The following CREBBP variants were observed in gnomAD, a reference collection of about 807,000 sequenced individuals.
CREBBP encodes CREB-binding protein.
A neutral mutation model predicts 265.0 loss-of-function variants in CREBBP; 19 were observed. That is an observed-to-expected ratio of 0.07 (90% CI 0.05 to 0.11). CREBBP has a LOEUF of 0.11. Ranked by LOEUF, CREBBP falls within the 10% of genes least tolerant of loss-of-function variation. The probability of loss-of-function intolerance (pLI) is 1.00; values close to 1 mark genes in which losing one functional copy is unlikely to be tolerated. For missense variants in CREBBP, 2,525 were observed against 3,219.0 expected (o/e 0.78, Z 5.22); for synonymous variants, 1,457 against 1,223.7 (o/e 1.19, Z -3.98).
chr16:3,811,889 A>C lies in CREBBP; in HGVS notation c.799-1110T>G, dbSNP rs115408958. Reference sequence around the variant, plus strand: ...ATAAAACATGAAATTTGTGTTAAGCAAATGTGTATGCTATTGGTAAGGCTT... The same window carrying C: ...ATAAAACATGAAATTTGTGTTAAGCCAATGTGTATGCTATTGGTAAGGCTT... On this transcript the variant is annotated intron_variant, in intron 2 of 30. Transcript: ENST00000262367. Among the ~76,000 whole-genome samples, 586 of 152,274 alleles carry C rather than the reference A, an allele frequency of 3.8e-3. 4 individuals are homozygous for C. The highest frequency in any genetic ancestry group is 0.013 in the African/African-American group (544 of 41,544).
chr16:3,780,475 G>A (rs564593609), intron 8 of CREBBP, among the ~76,000 whole-genome samples: 4 of 152,118 alleles, frequency 2.6e-5, no homozygotes, highest in East Asian at 1.9e-4. Context: ...TCTTTGCCTC[G>A]GTGATAGGGG....
In CREBBP at chr16:3,813,298, A is replaced by G. The variant is rs532374189; in HGVS notation, c.799-2519T>C. Among the ~76,000 whole-genome samples the G allele has an allele frequency of 7.2e-5, 11 of 152,348 alleles. No individual in the cohort carries two copies. The South Asian group carries it at 2.3e-3, about 32-fold the overall frequency. On this transcript the variant is annotated intron_variant, in intron 2 of 30. Transcript: ENST00000262367. ...GTGCTCTACTTAAGTGAACTGAGAC[A>G]CTAATTCTTCTGCAAGTCCACAAAC... is the stretch of plus-strand genomic sequence containing the variant.
intron 2 of CREBBP, among the ~76,000 whole-genome samples, chr16:3,835,512 A>C (rs1045211090): frequency 6.6e-6 from 1 of 152,034 alleles, no homozygotes; most frequent in African/African-American, 2.4e-5. Context: ...TATTTATCTA[A>C]GAGAAATGAA....
chr16:3,809,469 C>T lies in CREBBP; in HGVS notation c.975+1134G>A, dbSNP rs1045546782. 1.8e-4 allele frequency among the ~76,000 whole-genome samples: 27 copies of T among 152,328 alleles called. 1 individual carries two copies. Among genetic ancestry groups the T allele is most frequent in the Admixed American group, 1.8e-3 (27 of 15,310 alleles). On this transcript the variant is annotated intron_variant, in intron 3 of 30. Coordinates refer to ENST00000262367, the MANE Select transcript of CREBBP (RefSeq NM_004380.3). ...GGCATTACAGGTGTGAGCCACCACGCCCGGCCTCAACCACCTTTTTAAATG... is the reference window on the plus strand; with the variant it reads ...GGCATTACAGGTGTGAGCCACCACGTCCGGCCTCAACCACCTTTTTAAATG...
At chr16:3,825,280 G>A (rs560946505) in intron 2 of CREBBP, among the ~76,000 whole-genome samples, 1 of 152,300 alleles carries the variant, frequency 6.6e-6, no homozygotes, top group African/African-American at 2.4e-5. Flanking sequence ...TGAATAATAT[G>A]ACTCACTGCT....
At position 3,834,737 on chromosome 16, in the gene CREBBP, C is replaced by T. The variant is rs962624243; in HGVS notation, c.798+15560G>A. On this transcript the variant is annotated intron_variant, in intron 2 of 30. Transcript: ENST00000262367. ...TGACAAACTGTACCATTCTAGACAG[C>T]GGAGTTGGGGAGGATGTTGAAAATG... 1.3e-4 allele frequency among the ~76,000 whole-genome samples: 19 copies of T among 151,992 alleles called. 1 individual carries two copies. Among genetic ancestry groups the T allele is most frequent in the Admixed American group, 6.6e-4 (10 of 15,242 alleles).
In CREBBP at chr16:3,739,649, G is replaced by A. The variant is rs774913651; in HGVS notation, c.4209C>T (p.Asp1403=). ...TKALFAFEEI[D]GVDVCFFGMH... is the part of the protein sequence containing the mutation. ...TTCCAAAAAAGCAGACATCCACGCC[G>A]TCAATTTCCTCAAAAGCAAACAGAG... The change falls in exon 25 of 31, where the codon GAC becomes GAT. Residue 1403 remains aspartate (D), a synonymous_variant. Transcript: ENST00000262367. 6.8e-6 allele frequency: 11 copies of A among 1,614,056 alleles called. No homozygotes were observed. Among genetic ancestry groups the A allele is most frequent in the South Asian group, 3.3e-5 (3 of 91,092 alleles).
intron 19 of CREBBP, among the ~76,000 whole-genome samples, chr16:3,756,118 C>T (rs1031438115): frequency 6.6e-6 from 1 of 152,132 alleles, no homozygotes; most frequent in Non-Finnish European, 1.5e-5. Context: ...CTTCTGTCTT[C>T]TTTGAAGTAT....
chr16:3,802,155 A>G (rs28588085), intron 3 of CREBBP, among the ~76,000 whole-genome samples: 94,698 of 111,468 alleles, frequency 0.85, 40,089 homozygotes, highest in African/African-American at 0.95. Context: ...TTTTTGTGAC[A>G]GAGTCTCGCT....
Position 3,727,519 on chromosome 16 carries a change from A to G in CREBBP, c.*199T>C, listed in dbSNP as rs969951187. 1.1e-4 allele frequency: 22 copies of G among 205,180 alleles called. No homozygotes were observed. Among genetic ancestry groups the G allele is most frequent in the Non-Finnish European group, 1.4e-4 (18 of 124,866 alleles). The allele number at this position is 205,180 out of a possible 1,614,324, so 12.7% of individuals were successfully genotyped here. On this transcript the variant is annotated 3_prime_UTR_variant, in exon 31 of 31. Coordinates refer to ENST00000262367, the MANE Select transcript of CREBBP (RefSeq NM_004380.3). ...CCACCCCCCCGCCAAAAAAAAACCA[A>G]AGAGAGAGACCAGATATTTAAATCA...
chr16:3,854,795 C>T (rs1246455340), intron 1 of CREBBP, among the ~76,000 whole-genome samples: 1 of 152,176 alleles, frequency 6.6e-6, no homozygotes, highest in Non-Finnish European at 1.5e-5. Context: ...CAGACCAGTC[C>T]CTCTTGTCAG....
chr16:3,849,440 T>TGTGTGTGTGTGTGTG (rs2054762201), intron 2 of CREBBP, among the ~76,000 whole-genome samples: 8 of 14,888 alleles, frequency 5.4e-4, no homozygotes, highest in Non-Finnish European at 1.8e-3. Context: ...TGTGTGTGTG[T>TGTGTGTGTGTGTGTG]GTGTGTGTGT....
At chr16:3,761,635 C>A in intron 16 of CREBBP, 1 of 512,496 alleles carries the variant, frequency 2.0e-6, no homozygotes, top group Non-Finnish European at 3.9e-6. Flanking sequence ...AGACCTCTGA[C>A]AGCAGCCTGA....
At chr16:3,779,864 G>A (rs1435915638) in intron 8 of CREBBP, among the ~76,000 whole-genome samples, 1 of 152,068 alleles carries the variant, frequency 6.6e-6, no homozygotes, top group Non-Finnish European at 1.5e-5. Flanking sequence ...AGCACTTTGG[G>A]AGGCCAAGGC....
At chr16:3,734,988 A>G (rs575013482) in intron 28 of CREBBP, among the ~76,000 whole-genome samples, 7 of 152,114 alleles carry the variant, frequency 4.6e-5, no homozygotes, top group Non-Finnish European at 7.4e-5. Context: ...GCCTGTCCCA[A>G]GTTCTGGGGC....
At chr16:3,800,407 T>C (rs938230514) in intron 3 of CREBBP, among the ~76,000 whole-genome samples, 1 of 152,190 alleles carries the variant, frequency 6.6e-6, no homozygotes, top group African/African-American at 2.4e-5. Flanking sequence ...CTATGAGCCA[T>C]TGCACCCGGC....
At chr16:3,855,501 G>C (rs946752723) in intron 1 of CREBBP, among the ~76,000 whole-genome samples, 16 of 152,176 alleles carry the variant, frequency 1.1e-4, no homozygotes, top group Non-Finnish European at 2.2e-4. Flanking sequence ...CTGACCTCAG[G>C]TGATCCGCCC....
In CREBBP at chr16:3,824,759, T is replaced by C. The variant is rs376976383; in HGVS notation, c.799-13980A>G. On this transcript the variant is annotated intron_variant, in intron 2 of 30. Coordinates refer to ENST00000262367, the MANE Select transcript of CREBBP (RefSeq NM_004380.3). The stretch of plus-strand genomic sequence containing the variant: ...CTGCCAAGCAGGCCGGTGCTTCCCG[T>C]TCTACTGTAACTCTCTAAGCAAAAT... Among the ~76,000 whole-genome samples the C allele has an allele frequency of 4.8e-4, 73 of 152,274 alleles. No homozygotes were observed. The East Asian group carries it at 7.1e-3, about 15-fold the overall frequency.
Position 3,758,899 on chromosome 16 carries a change from T to C in CREBBP, c.3324A>G (p.Ser1108=). 3.1e-6 allele frequency: 5 copies of C among 1,612,962 alleles called. No homozygotes were observed. The highest frequency in any genetic ancestry group is 2.7e-5 in the African/African-American group (2 of 75,018). Residue 1108 remains serine, a synonymous_variant, in exon 17 of 31, where the codon TCA becomes TCG. Coordinates refer to ENST00000262367, the MANE Select transcript of CREBBP (RefSeq NM_004380.3). ...GATCTACAGGCTGCCGGAAAGGTAA[T>C]GACTCTGGGTCCTGTCGATACAGTG... ...LEALYRQDPE[S]LPFRQPVDPQ... is the part of the protein sequence containing the mutation.
Sources: gnomAD v4.1 joint callset for allele counts (sites outside exome capture counted in the v4.1 genomes callset) on GRCh38, gnomAD v4.1.1 for gene constraint, MANE v1.5 for transcripts, NCBI Gene and HGNC (gene_info 2026-07-23, HGNC 2026-07-21) for gene names.